The following GRIA3 variants were observed in gnomAD, a reference collection of about 807,000 sequenced individuals.
GRIA3 encodes glutamate receptor 3.
GRIA3 carries 3 observed loss-of-function variants against 63.0 expected under a neutral mutation model. That is an observed-to-expected ratio of 0.05 (90% CI 0.02 to 0.12). The LOEUF is 0.12. GRIA3 is among the 10% of genes least tolerant of loss of function. The pLI, the probability that GRIA3 is intolerant of heterozygous loss-of-function variation, is 1.00. For missense variants in GRIA3, 347 were observed against 700.9 expected (o/e 0.50, Z 5.70); for synonymous variants, 274 against 257.9 (o/e 1.06, Z -0.60).
At chrX:123,358,343 C>A (rs1345556896) in intron 5 of GRIA3, 2 of 112,247 alleles carry the variant, frequency 1.8e-5, no homozygotes, top group Non-Finnish European at 3.8e-5. Context: ...TCACTTCCTG[C>A]AGTTCCCTTT....
chrX:123,437,273 G>A (rs1280276051), intron 12 of GRIA3, among the ~76,000 whole-genome samples: 1 of 110,336 alleles, frequency 9.1e-6, no homozygotes, highest in Non-Finnish European at 1.9e-5. Context: ...GCATTCTGTT[G>A]GAAGGAGACA....
At chrX:123,446,554 T>C (rs1378509328) in intron 12 of GRIA3, among the ~76,000 whole-genome samples, 1 of 112,490 alleles carries the variant, frequency 8.9e-6, no homozygotes, top group Non-Finnish European at 1.9e-5. Flanking sequence ...TATTCTGTTG[T>C]CTTTACATGT....
intron 2 of GRIA3, among the ~76,000 whole-genome samples, chrX:123,246,560 A>C (rs1399466700): frequency 8.9e-6 from 1 of 111,750 alleles, no homozygotes; most frequent in Non-Finnish European, 1.9e-5. Flanking sequence ...CATTTAAAGA[A>C]GCTTGTGATT....
intron 4 of GRIA3, among the ~76,000 whole-genome samples, chrX:123,351,847 T>C (rs752819895): frequency 8.9e-6 from 1 of 112,229 alleles, no homozygotes; most frequent in Admixed American, 9.4e-5. Flanking sequence ...CACTTTAATG[T>C]TCCTATCTTT....
chrX:123,421,488 A>G (rs926046474), intron 11 of GRIA3, among the ~76,000 whole-genome samples: 2 of 112,434 alleles, frequency 1.8e-5, no homozygotes, highest in African/African-American at 6.5e-5. Context: ...CACCAGCAGT[A>G]TACTTTATTT....
At chrX:123,232,610 T>C (rs2044281796) in intron 2 of GRIA3, among the ~76,000 whole-genome samples, 1 of 111,450 alleles carries the variant, frequency 9.0e-6, no homozygotes, top group African/African-American at 3.3e-5. Context: ...TTATGTTAAA[T>C]ATATTTTACC....
At chrX:123,292,776 T>C (rs1461858009) in intron 3 of GRIA3, among the ~76,000 whole-genome samples, 1 of 111,328 alleles carries the variant, frequency 9.0e-6, no homozygotes, top group Non-Finnish European at 1.9e-5. Flanking sequence ...GCATAGACTC[T>C]TCAAAATCCA....
intron 4 of GRIA3, among the ~76,000 whole-genome samples, chrX:123,354,128 G>A (rs977967909): frequency 3.6e-5 from 4 of 111,613 alleles, no homozygotes; most frequent in African/African-American, 1.3e-4. Flanking sequence ...ATGATACTGA[G>A]GAAGGGTTTC....
chrX:123,184,286 AAGAG>A lies in GRIA3; in HGVS notation c.-245_-242del, dbSNP rs914801685. 1.0e-5 allele frequency: 4 copies of A among 382,139 alleles called. No individual in the cohort carries two copies. The African/African-American group carries it at 1.1e-4, about 10-fold the overall frequency. The allele number at this position is 382,139 out of a possible 1,213,427, so 31.5% of individuals were successfully genotyped here. ...AGGGAGAGAGAGGGAGCAAGAAAGG[AAGAG>A]AGAGCGAGCGAGAGAGAGCGAGCGA... is the stretch of plus-strand genomic sequence containing the variant. On this transcript the variant is annotated 5_prime_UTR_variant, in exon 1 of 16. Coordinates refer to ENST00000620443, the MANE Select transcript of GRIA3 (RefSeq NM_007325.5).
intron 3 of GRIA3, among the ~76,000 whole-genome samples, chrX:123,270,947 G>T (rs1603059982): frequency 8.9e-6 from 1 of 111,970 alleles, no homozygotes; most frequent in East Asian, 2.8e-4. Context: ...GAAAATCCTG[G>T]GTGTTTTATC....
intron 3 of GRIA3, among the ~76,000 whole-genome samples, chrX:123,269,185 G>A (rs1175561843): frequency 2.7e-5 from 3 of 111,967 alleles, no homozygotes; most frequent in Non-Finnish European, 3.8e-5. Flanking sequence ...TCAGAACAGC[G>A]GCTTTTGTGG....
rs766907968 is a variant in GRIA3, at chrX:123,254,513, AT to A, written c.508+976del. ...TGGGGGTGGTTCTCTCTAACTCAGA[AT>A]TTTTAAACTCAGAAGGATTAAATGA... On this transcript the variant is annotated intron_variant, in intron 3 of 15. Transcript: ENST00000620443. Among the ~76,000 whole-genome samples the A allele has an allele frequency of 5.9e-4, 66 of 111,091 alleles. No homozygotes were observed. The Middle Eastern group carries it at 0.014, about 23-fold the overall frequency.
chrX:123,218,247 A>C (rs1928207251), intron 2 of GRIA3, among the ~76,000 whole-genome samples: 1 of 111,399 alleles, frequency 9.0e-6, no homozygotes, highest in Admixed American at 9.5e-5. Flanking sequence ...GCTTTTTCTG[A>C]GATGACTGAG....
chrX:123,254,944 G>A (rs1266195032), intron 3 of GRIA3, among the ~76,000 whole-genome samples: 3 of 111,261 alleles, frequency 2.7e-5, no homozygotes, highest in Non-Finnish European at 5.7e-5. Flanking sequence ...GCTACTAATC[G>A]TAACTTATAT....
rs1476286208 is a variant in GRIA3 at position 123,253,494 on chromosome X, G to A, written c.460G>A (p.Gly154Ser). Residue 154 changes from glycine (G) to serine (S), a missense_variant, in exon 3 of 16, where the codon GGT becomes AGT. By Grantham distance (56) the Gly-to-Ser change is moderately conservative (BLOSUM62 0). Coordinates refer to ENST00000620443, the MANE Select transcript of GRIA3 (RefSeq NM_007325.5). ...GAAGGGCGCTATTCTGAGTCTTCTG[G>A]GTCATTACAAGTGGGAGAAGTTTGT... ...ALKGAILSLLGHYKWEKFVYL... is the reference protein window; with the variant it reads ...ALKGAILSLLSHYKWEKFVYL... 2.5e-6 allele frequency: 3 copies of A among 1,208,024 alleles called. No homozygotes were observed. The South Asian group carries it at 5.3e-5, about 21-fold the overall frequency.
intron 3 of GRIA3, among the ~76,000 whole-genome samples, chrX:123,297,280 A>T (rs185249290): frequency 8.9e-6 from 1 of 112,087 alleles, no homozygotes; most frequent in East Asian, 2.8e-4. Context: ...CACACTGCAC[A>T]TTCCAGTCTA....
intron 4 of GRIA3, among the ~76,000 whole-genome samples, chrX:123,336,358 A>G (rs2044974282): frequency 8.9e-6 from 1 of 112,269 alleles, no homozygotes; most frequent in African/African-American, 3.2e-5. Flanking sequence ...GACTAGTTTG[A>G]TGTCATTGTT....
At chrX:123,296,976 G>T (rs773565443) in intron 3 of GRIA3, among the ~76,000 whole-genome samples, 4 of 111,461 alleles carry the variant, frequency 3.6e-5, no homozygotes, top group African/African-American at 1.3e-4. Context: ...TATAATAGAA[G>T]TTCTTATATA....
rs1269303959 is a variant in GRIA3, at chrX:123,344,906, G to T, written c.697-10004G>T. Among the ~76,000 whole-genome samples the T allele has an allele frequency of 6.3e-5, 7 of 111,624 alleles. No individual in the cohort carries two copies. The Admixed American group carries it at 6.6e-4, about 11-fold the overall frequency. On this transcript the variant is annotated intron_variant, in intron 4 of 15. Transcript: ENST00000620443. ...ATGGAAAGGTGGTTCTTAAATTTCAGTGTGCATCAGAATCACCAAAGGTGA... is the reference window on the plus strand; with the variant it reads ...ATGGAAAGGTGGTTCTTAAATTTCATTGTGCATCAGAATCACCAAAGGTGA...
Sources: gnomAD v4.1 joint callset for allele counts (sites outside exome capture counted in the v4.1 genomes callset) on GRCh38, gnomAD v4.1.1 for gene constraint, MANE v1.5 for transcripts, NCBI Gene and HGNC (gene_info 2026-07-23, HGNC 2026-07-21) for gene names.